Variants in C5 observed in about 807,000 individuals in gnomAD.
C5 encodes complement C5.
C5 carries 140 observed loss-of-function variants against 218.8 expected under a neutral mutation model. That is an observed-to-expected ratio of 0.64 (90% CI 0.56 to 0.74). The LOEUF is 0.74. Ranked by LOEUF, C5 falls within the 30% of genes least tolerant of loss-of-function variation. C5 has a pLI of 0.00. For synonymous variants in C5, 614 were observed against 682.3 expected, an observed-to-expected ratio of 0.90 and a Z score of 1.56; for missense variants, 1,700 against 1,969.6, an observed-to-expected ratio of 0.86 and a Z score of 2.59.
At chr9:120,954,009 T>C in intron 39 of C5, 141 bp from the exon 40 acceptor site, 1 of 837,566 alleles carries the variant, frequency 1.2e-6, no homozygotes, top group Admixed American at 1.9e-5. Context: ...TGGTTAAGGC[T>C]TCAGTCTCTG....
At chr9:121,059,421 CTTCT>C in the C5 span, among the ~76,000 whole-genome samples, 1 of 152,172 alleles carries the variant, frequency 6.6e-6, no homozygotes, top group South Asian at 2.1e-4. This position sits in a 1 kb window ranked among gnomAD's most constrained non-coding sequence, Gnocchi z 4.1. Context: ...TACCCTAGAC[CTTCT>C]AATGAATCAA....
chr9:120,977,055 G>A (rs1453726264), intron 28 of C5, 150 bp from the exon 29 acceptor site: 27 of 696,692 alleles, frequency 3.9e-5, no homozygotes, highest in African/African-American at 3.6e-5. Flanking sequence ...AATGCAAAAC[G>A]AGATCCCTTA....
chr9:121,063,053 AT>A, the C5 span, among the ~76,000 whole-genome samples: 11 of 151,332 alleles, frequency 7.3e-5, no homozygotes, highest in South Asian at 2.1e-3. Context: ...TTCTTCAAAT[AT>A]TTTTTTCTGT....
At chr9:120,963,856 T>C (rs2046846561) in intron 33 of C5, 118 bp from the exon 34 acceptor site, 3 of 736,572 alleles carry the variant, frequency 4.1e-6, no homozygotes, top group Non-Finnish European at 7.1e-6. Context: ...TATTTGCTTT[T>C]CTACAATGTA....
chr9:121,061,839 G>C, the C5 span, among the ~76,000 whole-genome samples: 1 of 152,116 alleles, frequency 6.6e-6, no homozygotes, highest in African/African-American at 2.4e-5. Flanking sequence ...TAGCTCAGCT[G>C]TTTTTATTTT....
chr9:121,068,044 C>A, the C5 span, among the ~76,000 whole-genome samples: 2 of 152,100 alleles, frequency 1.3e-5, no homozygotes, highest in Admixed American at 6.5e-5. Flanking sequence ...ATGGAAAAAA[C>A]CTAAAAACTT....
At chr9:120,974,698 G>T in intron 30 of C5, 81 bp downstream of exon 30, 1 of 1,286,298 alleles carries the variant, frequency 7.8e-7, no homozygotes, top group Non-Finnish European at 1.1e-6. Flanking sequence ...TGAAGAGATA[G>T]ATTTATAAAA....
intron 20 of C5, among the ~76,000 whole-genome samples, chr9:121,001,140 T>C (rs889985611): frequency 1.3e-5 from 2 of 152,188 alleles, no homozygotes; most frequent in Non-Finnish European, 2.9e-5. Context: ...AGTGCTCCTG[T>C]AAACAATAAT....
At chr9:121,069,672 C>T in the C5 span, among the ~76,000 whole-genome samples, 1 of 151,992 alleles carries the variant, frequency 6.6e-6, no homozygotes, top group Non-Finnish European at 1.5e-5. Context: ...GCCATCACAC[C>T]CAGCTAATGG....
chr9:121,003,964 G>T (rs1481259506), intron 20 of C5, among the ~76,000 whole-genome samples: 2 of 152,122 alleles, frequency 1.3e-5, no homozygotes, highest in East Asian at 3.8e-4. Flanking sequence ...CGCCTCCCGG[G>T]TTCACGCCAT....
At chr9:120,979,957 C>T (rs1355552333) in intron 28 of C5, 126 bp downstream of exon 28, 26 of 773,022 alleles carry the variant, frequency 3.4e-5, no homozygotes, top group African/African-American at 5.1e-5. Flanking sequence ...CGTATTGTGA[C>T]GGTTTGTTCC....
intron 6 of C5, among the ~76,000 whole-genome samples, chr9:121,031,897 C>T (rs987508231): frequency 2.0e-5 from 3 of 152,048 alleles, no homozygotes; most frequent in African/African-American, 7.2e-5. Flanking sequence ...CACCCTGTCT[C>T]TACTAAAAAT....
chr9:121,014,388 G>A (rs1042848765), intron 16 of C5, among the ~76,000 whole-genome samples: 1 of 152,170 alleles, frequency 6.6e-6, no homozygotes, highest in African/African-American at 2.4e-5. Flanking sequence ...AATAGAAAAT[G>A]TTTTTTAAGA....
the C5 span, among the ~76,000 whole-genome samples, chr9:121,072,674 T>C: frequency 7.2e-5 from 11 of 151,770 alleles, no homozygotes; most frequent in Non-Finnish European, 1.5e-4. Flanking sequence ...GCCTTGGTGG[T>C]GCGTGCCTGT....
At chr9:121,016,109 C>T in intron 15 of C5, 145 bp downstream of exon 15, 1 of 1,048,436 alleles carries the variant, frequency 9.5e-7, no homozygotes, top group Non-Finnish European at 1.4e-6. Flanking sequence ...TCTTGAAGGC[C>T]AGTGAAACAT....
At chr9:121,000,949 T>A (rs948776947) in intron 20 of C5, among the ~76,000 whole-genome samples, 1 of 152,178 alleles carries the variant, frequency 6.6e-6, no homozygotes, top group Non-Finnish European at 1.5e-5. Flanking sequence ...GAAAAACGTT[T>A]TTAAAACTTG....
intron 11 of C5, among the ~76,000 whole-genome samples, chr9:121,020,626 A>T (rs971463069): frequency 6.6e-6 from 1 of 152,182 alleles, no homozygotes; most frequent in Non-Finnish European, 1.5e-5. Context: ...GCCCAGTTTC[A>T]TTGTGAAGTA....
chr9:121,062,028 A>C, the C5 span, among the ~76,000 whole-genome samples: 1 of 152,158 alleles, frequency 6.6e-6, no homozygotes, highest in African/African-American at 2.4e-5. Context: ...GTAAGAAAGG[A>C]TATGATAAGG....
intron 22 of C5, among the ~76,000 whole-genome samples, chr9:120,992,250 T>C (rs920208032): frequency 1.3e-5 from 2 of 152,262 alleles, no homozygotes; most frequent in African/African-American, 4.8e-5. Flanking sequence ...AAAACTTCTT[T>C]CTTCATTAAT....
Sources: allele counts gnomAD v4.1 joint callset (sites outside exome capture counted in the v4.1 genomes callset), GRCh38; gene constraint gnomAD v4.1.1; non-coding constraint Gnocchi (gnomAD v3.1); transcripts MANE v1.5; gene names NCBI Gene and HGNC (gene_info 2026-07-23, HGNC 2026-07-21).